The following FAF2 variants were observed in gnomAD, a reference collection of about 807,000 sequenced individuals.
FAF2 encodes the protein FAS-associated factor 2.
Under a neutral mutation model 62.3 loss-of-function variants are expected in FAF2, and 9 were observed. That is an observed-to-expected ratio of 0.14 (90% CI 0.09 to 0.25). The LOEUF (loss-of-function observed/expected upper bound fraction) is 0.25. FAF2 is among the 10% of genes least tolerant of loss of function. The pLI, the probability that FAF2 is intolerant of heterozygous loss-of-function variation, is 1.00. For missense variants in FAF2, 368 were observed against 556.2 expected (o/e 0.66, Z 3.40); for synonymous variants, 202 against 198.0 (o/e 1.02, Z -0.17).
chr5:176,459,250 CTT>C (rs11386560), intron 1 of FAF2, among the ~76,000 whole-genome samples: 400 of 116,436 alleles, frequency 3.4e-3, no homozygotes, highest in African/African-American at 0.013. Context: ...TCCAGTTAAC[CTT>C]TTTTTTTTTT....
intron 1 of FAF2, among the ~76,000 whole-genome samples, chr5:176,474,689 C>T (rs1401387472): frequency 6.6e-6 from 1 of 152,222 alleles, no homozygotes. Context: ...GGCCCCTTAT[C>T]TTTCATTCAG....
rs547481202 is a variant in FAF2 at position 176,502,529 on chromosome 5, G to A, written c.1155+2383G>A. Among the ~76,000 whole-genome samples the A allele has an allele frequency of 2.0e-4, 30 of 152,076 alleles. 1 individual carries two copies. The East Asian group carries it at 2.3e-3, about 12-fold the overall frequency. ...CAGGAGGCAGAGGTTGCGGTGAGCC[G>A]AGATCATGCCATTGCACTCCAGCCT... On this transcript the variant is annotated intron_variant, in intron 10 of 10. Coordinates refer to ENST00000261942, the MANE Select transcript of FAF2 (RefSeq NM_014613.3).
chr5:176,506,148 G>A (rs1041874711), intron 10 of FAF2, among the ~76,000 whole-genome samples: 2 of 145,178 alleles, frequency 1.4e-5, no homozygotes, highest in African/African-American at 2.6e-5. Context: ...CTGAGATGGC[G>A]CCATTGCACT....
At chr5:176,503,524 C>T (rs1388950461) in intron 10 of FAF2, among the ~76,000 whole-genome samples, 2 of 148,630 alleles carry the variant, frequency 1.3e-5, no homozygotes, top group East Asian at 4.0e-4. Context: ...TATTGCACTC[C>T]AGCCTGAGTG....
At chr5:176,480,817 G>A (rs1349614852) in intron 2 of FAF2, among the ~76,000 whole-genome samples, 1 of 147,644 alleles carries the variant, frequency 6.8e-6, no homozygotes, top group Non-Finnish European at 1.5e-5. Flanking sequence ...GGGGGCTGGG[G>A]GGCTAGGGGA....
At chr5:176,479,297 G>A in intron 2 of FAF2, 41 bp downstream of exon 2, 1 of 1,504,450 alleles carries the variant, frequency 6.6e-7, no homozygotes. Flanking sequence ...TTTTTCTCTG[G>A]TCTGATTAAG....
intron 1 of FAF2, among the ~76,000 whole-genome samples, chr5:176,457,162 G>C (rs948645555): frequency 6.6e-6 from 1 of 152,056 alleles, no homozygotes; most frequent in African/African-American, 2.4e-5. Context: ...GTAGGTCTTT[G>C]AGATGGGTAT....
intron 1 of FAF2, among the ~76,000 whole-genome samples, chr5:176,451,869 T>TATACAC (rs1423374903): frequency 8.6e-5 from 3 of 34,952 alleles, no homozygotes; most frequent in African/African-American, 3.8e-4. Flanking sequence ...CATATATATA[T>TATACAC]ACACACATAT....
At chr5:176,488,849 T>A in intron 3 of FAF2, 102 bp from the exon 4 acceptor site, 1 of 873,836 alleles carries the variant, frequency 1.1e-6, no homozygotes, top group Non-Finnish European at 1.9e-6. Context: ...GAGGAACAAA[T>A]CACATGGAAG....
intron 1 of FAF2, among the ~76,000 whole-genome samples, chr5:176,477,602 T>C (rs1225990749): frequency 3.9e-5 from 6 of 152,214 alleles, no homozygotes; most frequent in African/African-American, 1.4e-4. Flanking sequence ...ACTTTTCTAT[T>C]TCAGCATTTT....
intron 1 of FAF2, among the ~76,000 whole-genome samples, chr5:176,450,095 T>G (rs1561812839): frequency 6.6e-6 from 1 of 152,232 alleles, no homozygotes; most frequent in Admixed American, 6.5e-5. Context: ...AAATAAATAT[T>G]TTTTTGGCGA....
intron 1 of FAF2, among the ~76,000 whole-genome samples, chr5:176,477,806 GCCTGT>G (rs1214785822): frequency 6.6e-6 from 1 of 152,148 alleles, no homozygotes; most frequent in Non-Finnish European, 1.5e-5. Flanking sequence ...GTTAAAATGT[GCCTGT>G]CCGTGGCCAT....
Position 176,506,864 on chromosome 5 carries a change from G to A in FAF2, c.1252G>A (p.Glu418Lys). 1.2e-6 allele frequency: 2 copies of A among 1,613,980 alleles called. No homozygotes were observed. The highest frequency in any genetic ancestry group is 2.2e-5 in the South Asian group (2 of 91,060). ...PRRVLPCIPS[E>K]EWPNPPTLQE... ...GCGAGTGCTGCCCTGCATCCCTTCAGAGGAGTGGCCCAATCCCCCTACGCT... is the reference window on the plus strand; with the variant it reads ...GCGAGTGCTGCCCTGCATCCCTTCAAAGGAGTGGCCCAATCCCCCTACGCT... Residue 418 changes from glutamate to lysine, a missense_variant, in exon 11 of 11, where the codon GAG becomes AAG. Around this residue, in one of 2 missense-constraint regions of FAF2, gnomAD observed 37 missense variants for 114.3 expected, o/e 0.32. Coordinates refer to ENST00000261942, the MANE Select transcript of FAF2 (RefSeq NM_014613.3).
intron 1 of FAF2, among the ~76,000 whole-genome samples, chr5:176,470,623 G>C (rs981090644): frequency 6.6e-6 from 1 of 151,964 alleles, no homozygotes; most frequent in African/African-American, 2.4e-5. Flanking sequence ...CTTATACTAG[G>C]TTTAAAAACA....
intron 3 of FAF2, among the ~76,000 whole-genome samples, chr5:176,486,809 G>A (rs955425014): frequency 2.6e-5 from 4 of 152,126 alleles, no homozygotes; most frequent in African/African-American, 9.7e-5. Flanking sequence ...TGGAATCTTT[G>A]TAGGAGCTTT....
intron 2 of FAF2, 71 bp downstream of exon 2, chr5:176,479,327 T>G: frequency 8.2e-7 from 1 of 1,222,150 alleles, no homozygotes; most frequent in Non-Finnish European, 1.2e-6. Context: ...CGTATGTTTT[T>G]CCATAGCAGG....
At chr5:176,457,403 C>G (rs537431055) in intron 1 of FAF2, among the ~76,000 whole-genome samples, 1 of 151,970 alleles carries the variant, frequency 6.6e-6, no homozygotes, top group South Asian at 2.1e-4. Context: ...GTTGGGCAGG[C>G]TGGTCTCGAA....
chr5:176,459,712 T>A (rs888448585), intron 1 of FAF2, among the ~76,000 whole-genome samples: 3 of 152,070 alleles, frequency 2.0e-5, no homozygotes, highest in Non-Finnish European at 4.4e-5. Flanking sequence ...GGTGTGGTTG[T>A]TTTGTTTTGT....
intron 2 of FAF2, among the ~76,000 whole-genome samples, chr5:176,480,613 G>C (rs1410106518): frequency 3.3e-5 from 5 of 151,884 alleles, no homozygotes; most frequent in Admixed American, 6.6e-5. Context: ...AGGTCTTGCT[G>C]TGTTGCCCAA....
Sources: allele counts gnomAD v4.1 joint callset (sites outside exome capture counted in the v4.1 genomes callset), GRCh38; gene constraint gnomAD v4.1.1; regional missense constraint gnomAD v4.1.1; transcripts MANE v1.5; gene names NCBI Gene and HGNC (gene_info 2026-07-23, HGNC 2026-07-21).